Variants in PAPOLA observed in about 807,000 individuals in gnomAD.
PAPOLA encodes the protein poly(A) polymerase alpha.
In PAPOLA, 15 loss-of-function variants were observed where a neutral mutation model predicts 100.6. That is an observed-to-expected ratio of 0.15 (90% CI 0.10 to 0.23). The LOEUF (loss-of-function observed/expected upper bound fraction) is 0.23. Among genes scored for constraint, PAPOLA ranks in the 10% least tolerant of loss-of-function variants. PAPOLA has a pLI of 1.00. For synonymous variants in PAPOLA, 293 were observed against 300.0 expected, an observed-to-expected ratio of 0.98 and a Z score of 0.24; for missense variants, 533 against 884.2, an observed-to-expected ratio of 0.60 and a Z score of 5.04.
intron 9 of PAPOLA, chr14:96,534,067 A>G (rs1450157899): frequency 2.0e-6 from 2 of 990,764 alleles, no homozygotes; most frequent in Admixed American, 1.2e-4. Flanking sequence ...TTCTATAATT[A>G]TTCATACCCC....
At chr14:96,535,760 A>T in intron 10 of PAPOLA, 119 bp from the exon 11 acceptor site, 2 of 967,288 alleles carry the variant, frequency 2.1e-6, no homozygotes, top group Non-Finnish European at 2.8e-6. Flanking sequence ...TTCTTTCTCA[A>T]CTCCAGCTAT....
intron 6 of PAPOLA, among the ~76,000 whole-genome samples, chr14:96,528,361 C>G (rs1898677080): frequency 6.6e-6 from 1 of 152,270 alleles, no homozygotes; most frequent in East Asian, 1.9e-4. Flanking sequence ...GCTTTGACTT[C>G]ATTTAAAAAT....
At chr14:96,508,390 A>G (rs1044813442) in intron 1 of PAPOLA, among the ~76,000 whole-genome samples, 1 of 152,154 alleles carries the variant, frequency 6.6e-6, no homozygotes, top group African/African-American at 2.4e-5. Flanking sequence ...AATGTTGATT[A>G]TGGTTTTGAG....
chr14:96,542,940 AT>A (rs1566857315), intron 14 of PAPOLA, 47 bp downstream of exon 14: 1 of 1,599,956 alleles, frequency 6.3e-7, no homozygotes, highest in Admixed American at 1.7e-5. Flanking sequence ...TCCAATTTTT[AT>A]TCATAGAAGC....
chr14:96,502,987 C>T (rs1896417186), intron 1 of PAPOLA: 1 of 231,280 alleles, frequency 4.3e-6, no homozygotes, highest in African/African-American at 2.3e-5. Context: ...CACGCGGGAT[C>T]AGCACTTGGG....
intron 6 of PAPOLA, 67 bp from the exon 7 acceptor site, chr14:96,531,408 G>GT (rs1899006068): frequency 3.1e-6 from 4 of 1,279,142 alleles, no homozygotes; most frequent in African/African-American, 3.0e-5. Context: ...TTGTTTGTTT[G>GT]TTTTTTCATA....
chr14:96,515,024 A>G (rs920293314), intron 1 of PAPOLA, among the ~76,000 whole-genome samples: 1 of 152,182 alleles, frequency 6.6e-6, no homozygotes, highest in Admixed American at 6.5e-5. Flanking sequence ...GTTATATTTT[A>G]GGAAGACATA....
At chr14:96,511,042 TTAAA>T (rs1218780859) in intron 1 of PAPOLA, among the ~76,000 whole-genome samples, 1 of 152,236 alleles carries the variant, frequency 6.6e-6, no homozygotes, top group Non-Finnish European at 1.5e-5. Context: ...AATTGTTACT[TTAAA>T]TAAGTTAACT....
chr14:96,555,597 A>G (rs533785487), intron 17 of PAPOLA, among the ~76,000 whole-genome samples: 81 of 152,298 alleles, frequency 5.3e-4, no homozygotes, highest in Non-Finnish European at 1.1e-3. Context: ...GTCCAGTAGC[A>G]CAGATATAGA....
At position 96,520,096 on chromosome 14, in the gene PAPOLA, A is replaced by G; in HGVS notation, c.50A>G (p.Gln17Arg). The G allele has an allele frequency of 1.2e-6, 2 of 1,614,064 alleles. No individual in the cohort carries two copies. Among genetic ancestry groups the G allele is most frequent in the East Asian group, 2.2e-5 (1 of 44,890 alleles). ...GGATCACAACAAACACAACCGCCAC[A>G]GAAGCACTATGGCATTACTTCTCCT... The part of the protein sequence containing the change: ...TQGSQQTQPP[Q>R]KHYGITSPIS... Residue 17 changes from glutamine to arginine, a missense_variant, in exon 2 of 22, where the codon CAG (glutamine) becomes CGG (arginine). Transcript: ENST00000216277.
rs555524805 is a variant in PAPOLA at position 96,561,934 on chromosome 14, G to A, written c.2068-885G>A. Among the ~76,000 whole-genome samples, 21 of 148,656 alleles carry A rather than the reference G, an allele frequency of 1.4e-4. No homozygotes were observed. The South Asian group carries it at 2.3e-3, about 17-fold the overall frequency. ...TTTTGAGATGGAGTCTTGCTCTGTCGCCCAGGCTGGAGTGCAGTGGGACAA... is the reference window on the plus strand; with the variant it reads ...TTTTGAGATGGAGTCTTGCTCTGTCACCCAGGCTGGAGTGCAGTGGGACAA... On this transcript the variant is annotated intron_variant, in intron 20 of 21. Coordinates refer to ENST00000216277, the MANE Select transcript of PAPOLA (RefSeq NM_032632.5).
intron 17 of PAPOLA, among the ~76,000 whole-genome samples, chr14:96,553,774 A>G (rs972434385): frequency 6.6e-6 from 1 of 152,148 alleles, no homozygotes; most frequent in South Asian, 2.1e-4. Context: ...GGCCTCCCCA[A>G]AGTGCCAGGA....
intron 11 of PAPOLA, 66 bp downstream of exon 11, chr14:96,536,065 G>T: frequency 8.2e-7 from 1 of 1,214,778 alleles, no homozygotes; most frequent in Non-Finnish European, 1.1e-6. Context: ...AGACCCAGTA[G>T]TCAGCTGTGC....
chr14:96,521,908 T>A (rs1170048709), intron 3 of PAPOLA, among the ~76,000 whole-genome samples: 1 of 151,964 alleles, frequency 6.6e-6, no homozygotes, highest in African/African-American at 2.4e-5. Flanking sequence ...TTCAAGTGAT[T>A]CTCATGCCTC....
intron 6 of PAPOLA, among the ~76,000 whole-genome samples, chr14:96,529,748 A>T (rs1184808905): frequency 1.3e-5 from 2 of 152,084 alleles, no homozygotes; most frequent in African/African-American, 4.8e-5. Flanking sequence ...AAACAAAAAA[A>T]AAGTGATCTT....
rs541757253 is a variant in PAPOLA, at chr14:96,565,690, T to C, written c.*640T>C. On this transcript the variant is annotated 3_prime_UTR_variant, in exon 22 of 22. Coordinates refer to ENST00000216277, the MANE Select transcript of PAPOLA (RefSeq NM_032632.5). ...AAATAACTTGGTTTTGATAGGGTCA[T>C]GATTAAGAAATGATATATTGGTTTT... 2.5e-6 allele frequency: 1 copy of C among 397,698 alleles called. No homozygotes were observed. The highest frequency in any genetic ancestry group is 2.1e-5 in the African/African-American group (1 of 48,702). 24.6% of individuals were successfully genotyped at this position (397,698 alleles called of 1,614,324 possible). A position where few individuals can be genotyped will look rare whatever the true frequency, so the allele number is the denominator to read the frequency against.
intron 21 of PAPOLA, among the ~76,000 whole-genome samples, chr14:96,563,318 C>T (rs1902017553): frequency 6.6e-6 from 1 of 152,054 alleles, no homozygotes; most frequent in Non-Finnish European, 1.5e-5. Context: ...CTACTGATTT[C>T]AGTTAGTTAT....
Position 96,544,072 on chromosome 14 carries a change from G to A in PAPOLA, c.1290-77G>A, listed in dbSNP as rs1210296249. The A allele has an allele frequency of 1.9e-5, 15 of 789,092 alleles. No individual in the cohort carries two copies. The East Asian group carries it at 2.7e-4, about 14-fold the overall frequency. The allele number at this position is 789,092 out of a possible 1,614,324, so 48.9% of individuals were successfully genotyped here. A position where few individuals can be genotyped will look rare whatever the true frequency, so the allele number is the denominator to read the frequency against. The stretch of plus-strand genomic sequence containing the variant: ...ACATTTGTATTGTAAGTTTTTCCAT[G>A]TCTCTGATTGTCAGCCACACTGATA... On this transcript the variant is annotated intron_variant, in intron 14 of 21. Transcript: ENST00000216277.
intron 1 of PAPOLA, among the ~76,000 whole-genome samples, chr14:96,507,279 A>ATTTTTTTTTTTTTT (rs1566829466): frequency 3.8e-5 from 4 of 104,704 alleles, no homozygotes; most frequent in Non-Finnish European, 5.8e-5. Flanking sequence ...TTTGGAAAAT[A>ATTTTTTTTTTTTTT]GTTTTTTTTT....
Sources: allele counts gnomAD v4.1 joint callset (sites outside exome capture counted in the v4.1 genomes callset), GRCh38; gene constraint gnomAD v4.1.1; transcripts MANE v1.5; gene names NCBI Gene and HGNC (gene_info 2026-07-23, HGNC 2026-07-21).